The following ADGRL2 variants were observed in gnomAD, a reference collection of about 807,000 sequenced individuals.
The protein encoded by ADGRL2 is calcium-independent alpha-latrotoxin receptor 2.
Under a neutral mutation model 157.4 loss-of-function variants are expected in ADGRL2, and 44 were observed. The observed-to-expected ratio is 0.28, with a 90% confidence interval of 0.22 to 0.36. The LOEUF is 0.36. Ranked by LOEUF, ADGRL2 falls within the 10% of genes least tolerant of loss-of-function variation. The probability of loss-of-function intolerance (pLI) is 1.00; values close to 1 mark genes in which losing one functional copy is unlikely to be tolerated. For synonymous variants in ADGRL2, 585 were observed against 624.7 expected (o/e 0.94, Z 0.95); for missense variants, 1,510 against 1,768.9 (o/e 0.85, Z 2.63).
intron 20 of ADGRL2, 108 bp downstream of exon 20, chr1:81,984,819 T>G (rs1482743533): frequency 2.6e-5 from 31 of 1,206,822 alleles, no homozygotes; most frequent in Non-Finnish European, 3.4e-5. Context: ...ATGATCTAGA[T>G]AGCAAATACT....
chr1:81,943,237 CAAAG>C lies in ADGRL2; in HGVS notation c.685_688del (p.Thr230GlyfsTer4). 1 of 1,613,514 alleles carries C rather than the reference CAAAG, an allele frequency of 6.2e-7. No homozygotes were observed. Among genetic ancestry groups the C allele is most frequent in the Non-Finnish European group, 8.5e-7 (1 of 1,179,650 alleles). ...TGTATGATGGTGCTGTCTTCTTTAA[CAAAG>C]AAAGAACGAGGAATATTGTGAAATT... On this transcript the variant is annotated frameshift_variant, in exon 6 of 24. Coordinates refer to ENST00000686636, the MANE Select transcript of ADGRL2 (RefSeq NM_001366006.2). LOFTEE classifies it high-confidence loss of function. The surrounding 1 kb of genome is among the most constrained non-coding windows in gnomAD (Gnocchi z 5.6).
chr1:81,627,555 T>C (rs546854645), intron 3 of ADGRL2, among the ~76,000 whole-genome samples: 12 of 152,312 alleles, frequency 7.9e-5, no homozygotes, highest in African/African-American at 2.6e-4. Context: ...ACAACAATCC[T>C]ACTAAAATGT....
At chr1:81,593,777 C>T (rs576994520) in intron 3 of ADGRL2, among the ~76,000 whole-genome samples, 1 of 152,194 alleles carries the variant, frequency 6.6e-6, no homozygotes, top group South Asian at 2.1e-4. Flanking sequence ...AAAAGTGTAC[C>T]TATGCTTCTA....
At chr1:81,449,531 G>T (rs990267153) in intron 2 of ADGRL2, among the ~76,000 whole-genome samples, 3 of 152,176 alleles carry the variant, frequency 2.0e-5, no homozygotes, top group African/African-American at 7.2e-5. Context: ...TCCAGTATGA[G>T]TGGAAAAAAT....
In ADGRL2 at chr1:81,543,596, A is replaced by G. The variant is rs79693192; in HGVS notation, c.-247-37280A>G. On this transcript the variant is annotated intron_variant, in intron 2 of 24. Coordinates refer to the ADGRL2 transcript ENST00000370721. ...TATCCCTTCTGCTGCTGCTACCCCA[A>G]CTGGAATTAACATCGCCTTTCACTG... Among the ~76,000 whole-genome samples the G allele has an allele frequency of 7.7e-3, 1,179 of 152,254 alleles. 16 individuals are homozygous for G. Among genetic ancestry groups the G allele is most frequent in the African/African-American group, 0.027 (1,127 of 41,536 alleles).
chr1:81,717,036 T>C (rs772621072), intron 1 of ADGRL2, among the ~76,000 whole-genome samples: 9 of 152,216 alleles, frequency 5.9e-5, no homozygotes, highest in Non-Finnish European at 1.0e-4. Flanking sequence ...AAATCCTGCA[T>C]TAAGGATGAA....
At chr1:81,309,475 C>T (rs1659583380) in intron 1 of ADGRL2, among the ~76,000 whole-genome samples, 1 of 152,100 alleles carries the variant, frequency 6.6e-6, no homozygotes, top group Non-Finnish European at 1.5e-5. Context: ...TTTGAAAACT[C>T]ACACAATAAT....
At chr1:81,783,457 T>A (rs1252262783) in intron 2 of ADGRL2, among the ~76,000 whole-genome samples, 1 of 152,104 alleles carries the variant, frequency 6.6e-6, no homozygotes, top group Non-Finnish European at 1.5e-5. Context: ...ATTTTCAATT[T>A]TTTTATTTTT....
intron 2 of ADGRL2, chr1:81,557,474 G>GAAGA (rs1557458813): frequency 5.6e-5 from 3 of 53,400 alleles, no homozygotes; most frequent in East Asian, 2.3e-3. Flanking sequence ...AAAGAAGAAA[G>GAAGA]AAAGAAAGAA....
At chr1:81,443,121 A>G (rs956652869) in intron 1 of ADGRL2, among the ~76,000 whole-genome samples, 1 of 152,190 alleles carries the variant, frequency 6.6e-6, no homozygotes, top group Non-Finnish European at 1.5e-5. Flanking sequence ...TCTGCTGTTT[A>G]AAAGTTTACT....
intron 1 of ADGRL2, among the ~76,000 whole-genome samples, chr1:81,421,563 G>A (rs375803585): frequency 5.3e-5 from 8 of 152,270 alleles, no homozygotes; most frequent in East Asian, 1.9e-4. Flanking sequence ...TACTGCATGT[G>A]CTTTCAAGGT....
At chr1:81,552,049 G>GA (rs1403284502) in intron 2 of ADGRL2, among the ~76,000 whole-genome samples, 1 of 152,040 alleles carries the variant, frequency 6.6e-6, no homozygotes, top group East Asian at 1.9e-4. Context: ...TTTGGCCTGG[G>GA]AAAAAATGTT....
chr1:81,811,110 T>C (rs1162683935), intron 1 of ADGRL2, among the ~76,000 whole-genome samples: 1 of 151,892 alleles, frequency 6.6e-6, no homozygotes, highest in Non-Finnish European at 1.5e-5. Context: ...TCTAAAAATG[T>C]ACATGAAACA....
At chr1:81,526,769 T>A (rs936257683) in intron 2 of ADGRL2, among the ~76,000 whole-genome samples, 1 of 152,244 alleles carries the variant, frequency 6.6e-6, no homozygotes, top group African/African-American at 2.4e-5. Context: ...GGAAAGTCTA[T>A]TTCGAATATA....
intron 3 of ADGRL2, among the ~76,000 whole-genome samples, chr1:81,933,860 A>C (rs1236396671): frequency 6.6e-6 from 1 of 152,064 alleles, no homozygotes; most frequent in Non-Finnish European, 1.5e-5. Context: ...GCAAAGTTCT[A>C]ATTTTCTTGT....
At chr1:81,591,845 A>T (rs1459383568) in intron 3 of ADGRL2, among the ~76,000 whole-genome samples, 1 of 152,086 alleles carries the variant, frequency 6.6e-6, no homozygotes, top group Non-Finnish European at 1.5e-5. Flanking sequence ...ACAATCACGT[A>T]AGCTTGAAAG....
chr1:81,644,054 G>A (rs1030075763), intron 3 of ADGRL2, among the ~76,000 whole-genome samples: 1 of 152,094 alleles, frequency 6.6e-6, no homozygotes, highest in Admixed American at 6.5e-5. Context: ...AAACAGAATA[G>A]AGCCCAGAAA....
chr1:81,429,095 C>G (rs1205269981), intron 1 of ADGRL2, among the ~76,000 whole-genome samples: 1 of 151,404 alleles, frequency 6.6e-6, no homozygotes, highest in African/African-American at 2.4e-5. Flanking sequence ...TTGAAACCTA[C>G]TATCTATATT....
intron 1 of ADGRL2, among the ~76,000 whole-genome samples, chr1:81,748,467 C>CAAAA (rs973818702): frequency 0.013 from 518 of 38,674 alleles, no homozygotes; most frequent in East Asian, 0.015. Context: ...GATTCCGTCT[C>CAAAA]AAAAAAAAAA....
Sources: allele counts gnomAD v4.1 joint callset (sites outside exome capture counted in the v4.1 genomes callset), GRCh38; gene constraint gnomAD v4.1.1; non-coding constraint Gnocchi (gnomAD v3.1); transcripts MANE v1.5; gene names NCBI Gene and HGNC (gene_info 2026-07-23, HGNC 2026-07-21).